ULK1: variants seen among roughly 807,000 people sequenced by gnomAD.
ULK1 encodes unc-51 like autophagy activating kinase 1, also known as serine/threonine-protein kinase ULK1.
Under a neutral mutation model 117.5 loss-of-function variants are expected in ULK1, and 48 were observed. The observed-to-expected ratio is 0.41, with a 90% CI of 0.32 to 0.52. The LOEUF is 0.52. Among genes scored for constraint, ULK1 ranks in the 20% least tolerant of loss-of-function variants. ULK1 has a pLI of 0.29. For synonymous variants in ULK1, 790 were observed against 637.8 expected (o/e 1.24, Z -3.60); for missense variants, 1,387 against 1,473.4 (o/e 0.94, Z 0.96).
Position 131,915,211 on chromosome 12 carries a change from C to T in ULK1, c.1502C>T (p.Pro501Leu). The T allele has an allele frequency of 2.5e-6, 4 of 1,600,934 alleles. No individual in the cohort carries two copies. The highest frequency in any genetic ancestry group is 3.4e-6 in the Non-Finnish European group (4 of 1,174,334). The change falls in exon 17 of 28, where the codon CCC becomes CTC. Residue 501 changes from proline (P) to leucine (L), a missense_variant. Transcript: ENST00000321867. ...AAGATGTCTCTGGGTGGAGGCCGGCCCTACACGCCATCTCCTCAAGGTGCG... is the reference window on the plus strand; with the variant it reads ...AAGATGTCTCTGGGTGGAGGCCGGCTCTACACGCCATCTCCTCAAGGTGCG... ...ARKMSLGGGR[P>L]YTPSPQVGTI... is the part of the protein sequence containing the mutation.
At chr12:131,912,642 GACACAA>G in intron 13 of ULK1, among the ~76,000 whole-genome samples, 1 of 152,234 alleles carries the variant, frequency 6.6e-6, no homozygotes, top group East Asian at 1.9e-4. Flanking sequence ...GTCTGCCAGG[GACACAA>G]TGACTCATGC....
intron 25 of ULK1, 114 bp downstream of exon 25, chr12:131,919,704 T>C (rs1471810841): frequency 1.6e-6 from 2 of 1,282,864 alleles, no homozygotes; most frequent in Non-Finnish European, 2.2e-6. Context: ...TGTGCAGAGG[T>C]GCAGAGGCCC....
At chr12:131,916,861 A>ATCATGTGTG in intron 20 of ULK1, 92 bp from the exon 21 acceptor site, 1 of 1,198,564 alleles carries the variant, frequency 8.3e-7, no homozygotes, top group Non-Finnish European at 1.2e-6. Flanking sequence ...GAGACCGTGC[A>ATCATGTGTG]TCATGTGTGT....
chr12:131,916,675 G>C (rs888792169), intron 20 of ULK1, 84 bp downstream of exon 20: 4 of 1,402,702 alleles, frequency 2.9e-6, no homozygotes, highest in Admixed American at 2.9e-5. Context: ...CTTCTGGGGG[G>C]TAGAACAGGA....
chr12:131,911,263 G>A (rs989889770), intron 12 of ULK1, among the ~76,000 whole-genome samples: 3 of 152,214 alleles, frequency 2.0e-5, no homozygotes, highest in African/African-American at 4.8e-5. Context: ...CTGGGAGCCT[G>A]GCTCTCAGGC....
At chr12:131,918,379 A>C (rs943754826) in intron 22 of ULK1, 118 bp from the exon 23 acceptor site, 81 of 1,222,608 alleles carry the variant, frequency 6.6e-5, no homozygotes, top group Admixed American at 2.2e-4. Context: ...GGGATATAAC[A>C]GGTGTAAACC....
intron 3 of ULK1, among the ~76,000 whole-genome samples, chr12:131,900,911 T>C (rs1456588108): frequency 6.6e-6 from 1 of 151,744 alleles, no homozygotes; most frequent in South Asian, 2.1e-4. Context: ...CTGTCTGCAG[T>C]GTGAGTTGGG....
chr12:131,920,539 T>C (rs1890107831), intron 26 of ULK1: 2 of 225,636 alleles, frequency 8.9e-6, no homozygotes, highest in Non-Finnish European at 1.8e-5. Context: ...GAGCTCCCTC[T>C]GCCTCTGAGG....
chr12:131,913,949 C>T (rs1487349602), intron 15 of ULK1, 113 bp downstream of exon 15: 3 of 968,988 alleles, frequency 3.1e-6, no homozygotes, highest in Non-Finnish European at 4.3e-6. Context: ...AGGCCCCTGC[C>T]TTCTTCTCCC....
intron 23 of ULK1, among the ~76,000 whole-genome samples, chr12:131,918,949 G>C (rs1446205052): frequency 7.3e-6 from 1 of 137,732 alleles, no homozygotes; most frequent in African/African-American, 2.7e-5. Flanking sequence ...AGGGTGTGTG[G>C]GGTGCAGGGT....
At chr12:131,917,586 T>C in intron 22 of ULK1, 32 bp downstream of exon 22, 3 of 1,358,544 alleles carry the variant, frequency 2.2e-6, no homozygotes, top group South Asian at 2.1e-5. Flanking sequence ...GCCCTGTCCC[T>C]TTTGGGGTGG....
In ULK1 at chr12:131,902,473, C is replaced by T. The variant is rs1027376571; in HGVS notation, c.247-4419C>T. On this transcript the variant is annotated intron_variant, in intron 3 of 27. Transcript: ENST00000321867. This position sits in a 1 kb window ranked among gnomAD's most constrained non-coding sequence, Gnocchi z 6.3. Reference sequence around the variant, plus strand: ...CTGGCCGGCCGTGGGTGCGTGTGTGCAGGGTGTGGGGGCCGGCCTGCCTGG... The same window carrying T: ...CTGGCCGGCCGTGGGTGCGTGTGTGTAGGGTGTGGGGGCCGGCCTGCCTGG... 2.6e-5 allele frequency among the ~76,000 whole-genome samples: 4 copies of T among 152,172 alleles called. No individual in the cohort carries two copies. Among genetic ancestry groups the T allele is most frequent in the Non-Finnish European group, 4.4e-5 (3 of 68,018 alleles).
chr12:131,895,469 G>C, intron 1 of ULK1, 132 bp from the exon 2 acceptor site: 1 of 737,804 alleles, frequency 1.4e-6, no homozygotes, highest in Admixed American at 2.6e-5. Flanking sequence ...CCTCAACCTG[G>C]CTCCCCACTC....
chr12:131,896,889 ACT>A (rs1888896197), intron 3 of ULK1: 1 of 151,796 alleles, frequency 6.6e-6, no homozygotes, highest in Non-Finnish European at 1.5e-5. Flanking sequence ...CCAGGCAGCG[ACT>A]CTGAGGGACT....
At position 131,919,269 on chromosome 12, in the gene ULK1, G is replaced by C; in HGVS notation, c.2569G>C (p.Val857Leu). The C allele has an allele frequency of 1.3e-6, 2 of 1,598,918 alleles. No homozygotes were observed. The highest frequency in any genetic ancestry group is 1.7e-6 in the Non-Finnish European group (2 of 1,177,214). Residue 857 changes from valine (V) to leucine (L), a missense_variant, in exon 24 of 28, where the codon GTC (valine) becomes CTC (leucine). Physicochemically the swap from Val to Leu is conservative, Grantham distance 32. Coordinates refer to ENST00000321867, the MANE Select transcript of ULK1 (RefSeq NM_003565.4). ...LRFTLLFVQH[V>L]LEIAALKGSA... ...CTTCACGCTGCTGTTCGTGCAGCAC[G>C]TCCTGGAGATCGCAGCCCTGAAGGG...
chr12:131,915,963 C>T lies in ULK1; in HGVS notation c.1682C>T (p.Ser561Phe), dbSNP rs771514709. Residue 561 changes from serine to phenylalanine, a missense_variant, in exon 19 of 28, where the codon TCT becomes TTT. By Grantham distance (155) the Ser-to-Phe change is radical. This residue lies in a region of ULK1 where 900 missense variants were observed against 858.9 expected (regional missense o/e 1.05). Transcript: ENST00000321867. ...GCRLHSAPNL[S>F]DLHVVRPKLP... is the part of the protein sequence containing the mutation. ...CGCCTGCACAGCGCCCCCAACCTGT[C>T]TGACTTGCACGTCGTCCGCCCCAAG... The T allele has an allele frequency of 4.3e-6, 7 of 1,612,430 alleles. No homozygotes were observed. The highest frequency in any genetic ancestry group is 5.9e-6 in the Non-Finnish European group (7 of 1,179,862).
Position 131,916,404 on chromosome 12 carries a change from C to T in ULK1, c.1885C>T (p.Pro629Ser), listed in dbSNP as rs372595025. 16 of 1,580,700 alleles carry T rather than the reference C, an allele frequency of 1.0e-5. No individual in the cohort carries two copies. Among genetic ancestry groups the T allele is most frequent in the African/African-American group, 1.4e-5 (1 of 73,606 alleles). Residue 629 changes from proline (P) to serine (S), a missense_variant, in exon 20 of 28, where the codon CCC becomes TCC. Pro to Ser is a moderately conservative substitution (Grantham distance 74). This residue lies in a region of ULK1 where 900 missense variants were observed against 858.9 expected (regional missense o/e 1.05). Transcript: ENST00000321867. Reference protein sequence around the residue: ...PILGSPTKAVPSFDFPKTPSS... With the variant: ...PILGSPTKAVSSFDFPKTPSS... The stretch of plus-strand genomic sequence containing the variant: ...CCCATCTCTGTCCTCCTAGGCTGTG[C>T]CCTCCTTTGACTTCCCGAAGACCCC...
In ULK1 at chr12:131,916,059, C is replaced by T. The variant is rs1168497371; in HGVS notation, c.1778C>T (p.Ser593Phe). Residue 593 changes from serine to phenylalanine, a missense_variant, in exon 19 of 28, where the codon TCC becomes TTC. By Grantham distance (155) the Ser-to-Phe change is radical (BLOSUM62 -2). Transcript: ENST00000321867. Reference sequence around the variant, plus strand: ...CCACAGGCCAGCCCTCCCCAGCCGTCCCACGGCCTGCAGTCCTGCCGGAAC... The same window carrying T: ...CCACAGGCCAGCCCTCCCCAGCCGTTCCACGGCCTGCAGTCCTGCCGGAAC... ...SPPQASPPQP[S>F]HGLQSCRNLR... 1.9e-6 allele frequency: 3 copies of T among 1,612,524 alleles called. No individual in the cohort carries two copies. The Admixed American group carries it at 5.0e-5, about 27-fold the overall frequency.
Position 131,921,583 on chromosome 12 carries a change from G to A in ULK1, c.*222G>A. The A allele has an allele frequency of 1.5e-6, 1 of 677,906 alleles. No homozygotes were observed. The highest frequency in any genetic ancestry group is 2.5e-6 in the Non-Finnish European group (1 of 401,992). 42.0% of individuals were successfully genotyped at this position (677,906 alleles called of 1,614,324 possible). A position where few individuals can be genotyped will look rare whatever the true frequency, so the allele number is the denominator to read the frequency against. On this transcript the variant is annotated 3_prime_UTR_variant, in exon 28 of 28. Coordinates refer to ENST00000321867, the MANE Select transcript of ULK1 (RefSeq NM_003565.4). ...GGGGGGTGTCTCCCATCTTTTACAG[G>A]TGGGGATCACAGAATTTCTGCCCCT... is the stretch of plus-strand genomic sequence containing the variant.
Sources: gnomAD v4.1 joint callset for allele counts (sites outside exome capture counted in the v4.1 genomes callset) on GRCh38, gnomAD v4.1.1 for gene constraint, gnomAD v4.1.1 regional missense constraint, Gnocchi (gnomAD v3.1) non-coding constraint, MANE v1.5 for transcripts, NCBI Gene and HGNC (gene_info 2026-07-23, HGNC 2026-07-21) for gene names.